NF1: variants seen among roughly 807,000 people sequenced by gnomAD.
The protein encoded by NF1 is neurofibromin 1.
Under a neutral mutation model 325.7 loss-of-function variants are expected in NF1, and 122 were observed. The observed-to-expected ratio is 0.37, with a 90% CI of 0.32 to 0.44. The LOEUF (loss-of-function observed/expected upper bound fraction) is 0.44. NF1 is among the 20% of genes least tolerant of loss of function. NF1 has a pLI of 1.00. For synonymous variants in NF1, 1,091 were observed against 1,186.0 expected (o/e 0.92, Z 1.65); for missense variants, 2,140 against 3,415.4 (o/e 0.63, Z 9.31).
intron 36 of NF1, chr17:31,318,839 T>C: frequency 6.2e-7 from 1 of 1,614,078 alleles, no homozygotes; most frequent in Non-Finnish European, 8.5e-7. Context: ...TTTGTGTTAA[T>C]GTTTTCATTT....
chr17:31,313,637 TG>T (rs2068941337), intron 36 of NF1, among the ~76,000 whole-genome samples: 1 of 145,880 alleles, frequency 6.9e-6, no homozygotes, highest in Non-Finnish European at 1.5e-5. Flanking sequence ...ACCCAGGAGG[TG>T]GAGGTTGCAG....
chr17:31,202,761 T>C (rs2143894235), intron 11 of NF1, among the ~76,000 whole-genome samples: 1 of 152,326 alleles, frequency 6.6e-6, no homozygotes, highest in South Asian at 2.1e-4. Flanking sequence ...AGGGAAAGTT[T>C]AATGAAGATT....
In NF1 at chr17:31,232,996, C is replaced by T. The variant is rs2067140852; in HGVS notation, c.3497-6C>T. 2 of 1,614,066 alleles carry T rather than the reference C, an allele frequency of 1.2e-6. No homozygotes were observed. Among genetic ancestry groups the T allele is most frequent in the Non-Finnish European group, 1.7e-6 (2 of 1,180,024 alleles). On this transcript the variant is annotated splice_polypyrimidine_tract_variant and splice_region_variant and intron_variant, in intron 26 of 57. Transcript: ENST00000358273. ...TAGTAAATTTGCATCTGTTTGTCCA[C>T]ATTAGGCTTAGGTTACCACAAGGAT...
intron 29 of NF1, among the ~76,000 whole-genome samples, chr17:31,239,220 G>A (rs1487617112): frequency 2.0e-5 from 3 of 152,166 alleles, no homozygotes; most frequent in African/African-American, 7.2e-5. Flanking sequence ...GGTAATGTAA[G>A]CAGAGACATG....
intron 48 of NF1, among the ~76,000 whole-genome samples, chr17:31,343,947 C>A (rs1461303716): frequency 6.7e-6 from 1 of 149,018 alleles, no homozygotes; most frequent in African/African-American, 2.5e-5. Context: ...CAGAGTGAGA[C>A]CCTGCCTTTA....
chr17:31,161,352 A>G (rs188415002), intron 3 of NF1, among the ~76,000 whole-genome samples: 4 of 152,314 alleles, frequency 2.6e-5, no homozygotes, highest in East Asian at 3.9e-4. Context: ...TACTGTCCCT[A>G]TGTTTCAGTG....
At chr17:31,311,629 C>T (rs183272094) in intron 36 of NF1, among the ~76,000 whole-genome samples, 32 of 152,278 alleles carry the variant, frequency 2.1e-4, no homozygotes, top group Middle Eastern at 3.4e-3. Context: ...ATTTACTGAG[C>T]ACCCACCAAA....
Position 31,377,241 on chromosome 17 carries a change from TTACTA to T in NF1, c.*3091_*3095del, listed in dbSNP as rs2070744773. The T allele has an allele frequency of 4.3e-6, 1 of 233,376 alleles. No individual in the cohort carries two copies. Among genetic ancestry groups the T allele is most frequent in the Non-Finnish European group, 8.5e-6 (1 of 117,958 alleles). 14.5% of individuals were successfully genotyped at this position (233,376 alleles called of 1,614,324 possible). ...GTAAAATTTGACAAAAAAAGTATAT[TTACTA>T]TACTGTAAATATATGTGATGATATA... On this transcript the variant is annotated 3_prime_UTR_variant, in exon 58 of 58. Coordinates refer to ENST00000358273, the MANE Select transcript of NF1 (RefSeq NM_001042492.3).
intron 36 of NF1, among the ~76,000 whole-genome samples, chr17:31,290,487 T>C (rs2151493799): frequency 6.6e-6 from 1 of 152,328 alleles, no homozygotes; most frequent in Non-Finnish European, 1.5e-5. Flanking sequence ...ACTTTATCTG[T>C]ATTATCTCAT....
At chr17:31,132,412 C>T (rs1438785008) in intron 1 of NF1, among the ~76,000 whole-genome samples, 3 of 151,892 alleles carry the variant, frequency 2.0e-5, no homozygotes, top group Non-Finnish European at 4.4e-5. Flanking sequence ...TGGTGGCAGA[C>T]GCCTGTAATC....
At chr17:31,191,191 T>C (rs2066335905) in intron 8 of NF1, among the ~76,000 whole-genome samples, 1 of 152,232 alleles carries the variant, frequency 6.6e-6, no homozygotes, top group Non-Finnish European at 1.5e-5. Context: ...GATTTAAATA[T>C]TTATCTCTGT....
At chr17:31,256,526 G>A (rs559477450) in intron 31 of NF1, among the ~76,000 whole-genome samples, 1 of 152,160 alleles carries the variant, frequency 6.6e-6, no homozygotes, top group Non-Finnish European at 1.5e-5. Context: ...ATTATGTGAA[G>A]AATTTTGTGT....
rs180812480 is a variant in NF1 at position 31,264,993 on chromosome 17, A to G, written c.4725-236A>G. 1.8e-3 allele frequency among the ~76,000 whole-genome samples: 267 copies of G among 152,354 alleles called. 3 individuals are homozygous for G. The highest frequency in any genetic ancestry group is 6.0e-3 in the African/African-American group (248 of 41,586). ...AAATGTCATGAGTAAAACCAATCCTATGGTTAATATTCTTGCCCAGTAGTT... is the reference window on the plus strand; with the variant it reads ...AAATGTCATGAGTAAAACCAATCCTGTGGTTAATATTCTTGCCCAGTAGTT... On this transcript the variant is annotated intron_variant, in intron 35 of 57. Transcript: ENST00000358273.
At position 31,165,333 on chromosome 17, in the gene NF1, G is replaced by T. The variant is rs181440808; in HGVS notation, c.479+1957G>T. On this transcript the variant is annotated intron_variant, in intron 4 of 57. Coordinates refer to ENST00000358273, the MANE Select transcript of NF1 (RefSeq NM_001042492.3). ...CAGACCACTCAGAAATGGCATCTGTGAAATAACATTGTTTCAGACAACTGC... is the reference window on the plus strand; with the variant it reads ...CAGACCACTCAGAAATGGCATCTGTTAAATAACATTGTTTCAGACAACTGC... Among the ~76,000 whole-genome samples the T allele has an allele frequency of 1.3e-3, 191 of 152,314 alleles. 1 individual carries two copies. In the Middle Eastern group the frequency reaches 0.02, roughly 16 times the overall value.
chr17:31,234,943 A>G (rs1360579354), intron 27 of NF1, among the ~76,000 whole-genome samples: 2 of 152,070 alleles, frequency 1.3e-5, no homozygotes, highest in African/African-American at 4.8e-5. Context: ...GTGATTTACC[A>G]TTAGATCATT....
chr17:31,342,975 A>G, intron 47 of NF1, 34 bp from the exon 48 acceptor site: 1 of 1,613,654 alleles, frequency 6.2e-7, no homozygotes, highest in Non-Finnish European at 8.5e-7. Context: ...TACTGTGTGA[A>G]CCTCATCAAC....
intron 36 of NF1, among the ~76,000 whole-genome samples, chr17:31,266,739 T>G (rs1161215872): frequency 1.3e-5 from 2 of 151,506 alleles, no homozygotes; most frequent in African/African-American, 4.8e-5. Context: ...AAGCTGCGTT[T>G]TTTTTTTTCG....
intron 36 of NF1, among the ~76,000 whole-genome samples, chr17:31,315,853 G>GT (rs896713576): frequency 1.9e-4 from 28 of 151,258 alleles, no homozygotes; most frequent in South Asian, 4.2e-4. Flanking sequence ...AAAAAGAATA[G>GT]TTTTTTTTTA....
At chr17:31,313,593 C>G (rs1476492078) in intron 36 of NF1, among the ~76,000 whole-genome samples, 2 of 151,562 alleles carry the variant, frequency 1.3e-5, no homozygotes, top group African/African-American at 2.4e-5. Flanking sequence ...GTAATCCGAG[C>G]TACTTGAGAG....
Sources: allele counts gnomAD v4.1 joint callset (sites outside exome capture counted in the v4.1 genomes callset), GRCh38; gene constraint gnomAD v4.1.1; transcripts MANE v1.5; gene names NCBI Gene and HGNC (gene_info 2026-07-23, HGNC 2026-07-21).